Variants in SLC39A11 observed in about 807,000 individuals in gnomAD.
The protein encoded by SLC39A11 is zinc transporter ZIP11.
Under a neutral mutation model 36.1 loss-of-function variants are expected in SLC39A11, and 33 were observed. The observed-to-expected ratio is 0.91, with a 90% confidence interval of 0.69 to 1.22. The LOEUF (loss-of-function observed/expected upper bound fraction) is 1.22, where lower values mean the gene tolerates loss of function less well. SLC39A11 is among the 50% of genes most tolerant of loss of function. SLC39A11 has a pLI of 0.00. For missense variants in SLC39A11, 432 were observed against 430.3 expected (o/e 1.00, Z -0.03); for synonymous variants, 166 against 170.3 (o/e 0.97, Z 0.20).
intron 4 of SLC39A11, among the ~76,000 whole-genome samples, chr17:72,967,399 A>AGAGAGAGAGAGAGAGAGTGT (rs143987646): frequency 5.8e-5 from 8 of 138,198 alleles, no homozygotes; most frequent in African/African-American, 1.9e-4. Flanking sequence ...AGAGAGAGAG[A>AGAGAGAGAGAGAGAGAGTGT]GTGTGTGTGT....
At chr17:72,784,044 C>A (rs1173932024) in intron 6 of SLC39A11, among the ~76,000 whole-genome samples, 3 of 152,026 alleles carry the variant, frequency 2.0e-5, no homozygotes, top group Non-Finnish European at 2.9e-5. Context: ...ATGAATGAAG[C>A]CTTGAAAGGA....
chr17:72,825,145 G>A (rs2077963872), intron 6 of SLC39A11, among the ~76,000 whole-genome samples: 1 of 141,196 alleles, frequency 7.1e-6, no homozygotes, highest in Admixed American at 6.9e-5. Flanking sequence ...TAGGAGGGAA[G>A]AATGGTTTTG....
chr17:72,680,090 A>G (rs1486595746), intron 7 of SLC39A11, among the ~76,000 whole-genome samples: 3 of 151,714 alleles, frequency 2.0e-5, no homozygotes, highest in East Asian at 1.9e-4. Flanking sequence ...TAAAATTAAT[A>G]TAACATAGAA....
chr17:72,890,538 G>A (rs974400319), intron 5 of SLC39A11, among the ~76,000 whole-genome samples: 3 of 152,120 alleles, frequency 2.0e-5, no homozygotes, highest in African/African-American at 7.2e-5. Flanking sequence ...ACTCTTCTGG[G>A]TATAAGTAAT....
At chr17:72,960,383 ATAGGTAGGTAGG>A (rs561968831) in intron 4 of SLC39A11, among the ~76,000 whole-genome samples, 18 of 152,136 alleles carry the variant, frequency 1.2e-4, no homozygotes, top group Non-Finnish European at 2.1e-4. Flanking sequence ...TCTTGTATAC[ATAGGTAGGTAGG>A]TAGGTAGGTA....
chr17:72,956,953 G>A (rs1179066115), intron 4 of SLC39A11, among the ~76,000 whole-genome samples: 1 of 152,114 alleles, frequency 6.6e-6, no homozygotes. Context: ...GGGCTCACTG[G>A]TGCATCTGAG....
intron 5 of SLC39A11, among the ~76,000 whole-genome samples, chr17:72,850,937 T>C (rs765538237): frequency 1.3e-5 from 2 of 152,092 alleles, no homozygotes; most frequent in Non-Finnish European, 1.5e-5. Context: ...TCAGAATCCC[T>C]CTCCAGGGAG....
chr17:72,821,274 G>A (rs1186114903), intron 6 of SLC39A11, among the ~76,000 whole-genome samples: 1 of 150,600 alleles, frequency 6.6e-6, no homozygotes, highest in Non-Finnish European at 1.5e-5. Flanking sequence ...AGGCTGAGGA[G>A]GGTGGATCAC....
intron 7 of SLC39A11, among the ~76,000 whole-genome samples, chr17:72,672,900 C>T (rs779681141): frequency 5.9e-5 from 9 of 152,174 alleles, no homozygotes; most frequent in Middle Eastern, 3.4e-3. Context: ...TGAGCCACCA[C>T]GCCTAACCCT....
At chr17:72,834,185 C>T (rs2078412299) in intron 6 of SLC39A11, among the ~76,000 whole-genome samples, 2 of 152,178 alleles carry the variant, frequency 1.3e-5, no homozygotes, top group African/African-American at 2.4e-5. Flanking sequence ...TTGTCCAACA[C>T]AGTAGCCACT....
chr17:72,969,966 C>A (rs2087317372), intron 4 of SLC39A11, among the ~76,000 whole-genome samples: 2 of 152,316 alleles, frequency 1.3e-5, no homozygotes, highest in Admixed American at 1.3e-4. Context: ...GGTCCGGGGA[C>A]CGAAGCCCAG....
At position 72,942,855 on chromosome 17, in the gene SLC39A11, A is replaced by G. The variant is rs540359938; in HGVS notation, c.430+4897T>C. 3.3e-5 allele frequency among the ~76,000 whole-genome samples: 5 copies of G among 152,250 alleles called. No homozygotes were observed. In the South Asian group the frequency reaches 1.0e-3, roughly 32 times the overall value. ...CACACATTATGTCTAAAAAAATGCA[A>G]TCCTCCAAAGCCTAGCCAGTGTGAA... On this transcript the variant is annotated intron_variant, in intron 5 of 9. Coordinates refer to ENST00000255559, the MANE Select transcript of SLC39A11 (RefSeq NM_139177.4).
intron 5 of SLC39A11, among the ~76,000 whole-genome samples, chr17:72,898,402 T>C (rs752753276): frequency 1.3e-5 from 2 of 152,180 alleles, no homozygotes; most frequent in African/African-American, 2.4e-5. Flanking sequence ...TTGTTGACCA[T>C]GTTAGCACTT....
chr17:73,019,489 A>G (rs1245155890), intron 4 of SLC39A11, among the ~76,000 whole-genome samples: 1 of 152,190 alleles, frequency 6.6e-6, no homozygotes, highest in East Asian at 1.9e-4. Flanking sequence ...TGTTAATTCG[A>G]GGTAGACTAT....
At chr17:72,721,129 C>T (rs1344691615) in intron 7 of SLC39A11, among the ~76,000 whole-genome samples, 2 of 143,234 alleles carry the variant, frequency 1.4e-5, no homozygotes, top group Admixed American at 1.4e-4. Context: ...CAAGGTCTTG[C>T]TCTGTTGCCC....
At chr17:72,840,130 C>CAA (rs61391472) in intron 6 of SLC39A11, among the ~76,000 whole-genome samples, 3,991 of 152,128 alleles carry the variant, frequency 0.026, 199 homozygotes, top group African/African-American at 0.087. Context: ...TTCCCTGAAA[C>CAA]AAAAAATCAC....
chr17:73,010,473 C>T (rs1406261848), intron 4 of SLC39A11, among the ~76,000 whole-genome samples: 1 of 152,146 alleles, frequency 6.6e-6, no homozygotes, highest in Non-Finnish European at 1.5e-5. Flanking sequence ...GGTCACTGAC[C>T]TTGGCTGAAC....
At chr17:72,737,168 C>T (rs140024162) in intron 6 of SLC39A11, among the ~76,000 whole-genome samples, 2 of 151,896 alleles carry the variant, frequency 1.3e-5, no homozygotes, top group African/African-American at 2.4e-5. Flanking sequence ...CCCAGCGACT[C>T]GAGAGGCTGA....
chr17:72,920,214 A>G (rs911996589), intron 5 of SLC39A11, among the ~76,000 whole-genome samples: 16 of 152,166 alleles, frequency 1.1e-4, no homozygotes, highest in African/African-American at 3.9e-4. Context: ...CTATCCCAAC[A>G]CAACAGCCAG....
Sources: gnomAD v4.1 joint callset for allele counts (sites outside exome capture counted in the v4.1 genomes callset) on GRCh38, gnomAD v4.1.1 for gene constraint, MANE v1.5 for transcripts, NCBI Gene and HGNC (gene_info 2026-07-23, HGNC 2026-07-21) for gene names.